Variants in RANBP17 observed in about 807,000 individuals in gnomAD.
RANBP17 encodes the protein ran-binding protein 17.
In RANBP17, 158 loss-of-function variants were observed where a neutral mutation model predicts 141.2. That is an observed-to-expected ratio of 1.12 (90% confidence interval 0.98 to 1.28). The LOEUF (loss-of-function observed/expected upper bound fraction) is 1.28. RANBP17 is among the 50% of genes most tolerant of loss of function. RANBP17 has a pLI of 0.00. For synonymous variants in RANBP17, 430 were observed against 450.0 expected, an observed-to-expected ratio of 0.96 and a Z score of 0.56; for missense variants, 1,438 against 1,290.7, an observed-to-expected ratio of 1.11 and a Z score of -1.75.
chr5:171,199,612 G>A, intron 18 of RANBP17, 58 bp from the exon 19 acceptor site: 2 of 1,076,130 alleles, frequency 1.9e-6, no homozygotes, highest in Non-Finnish European at 1.4e-6. Context: ...TCAATGCTGA[G>A]GACAATGTAC....
chr5:171,131,769 A>T (rs1756937916), intron 14 of RANBP17, among the ~76,000 whole-genome samples: 1 of 152,164 alleles, frequency 6.6e-6, no homozygotes, highest in Non-Finnish European at 1.5e-5. Context: ...ACATTATGGT[A>T]ATTTATCCTG....
chr5:170,938,446 A>G (rs1330587771), intron 12 of RANBP17, among the ~76,000 whole-genome samples: 1 of 152,248 alleles, frequency 6.6e-6, no homozygotes, highest in Non-Finnish European at 1.5e-5. Context: ...GTAAGCTGCC[A>G]TGAATGAGCA....
intron 3 of RANBP17, among the ~76,000 whole-genome samples, chr5:170,882,915 C>T (rs113442043): frequency 2.3e-4 from 35 of 152,148 alleles, no homozygotes; most frequent in African/African-American, 8.4e-4. Context: ...CATCTTTGTT[C>T]ATATTAGAAA....
intron 21 of RANBP17, among the ~76,000 whole-genome samples, chr5:171,221,072 A>C (rs928412653): frequency 1.3e-5 from 2 of 152,190 alleles, no homozygotes; most frequent in Admixed American, 6.5e-5. Context: ...CTTCTTCTTA[A>C]AAGCCAAAGC....
In RANBP17 at chr5:170,968,926, G is replaced by C. The variant is rs371638440; in HGVS notation, c.1710+549G>C. On this transcript the variant is annotated intron_variant, in intron 14 of 27. Coordinates refer to ENST00000523189, the MANE Select transcript of RANBP17 (RefSeq NM_022897.5). ...TTAAAGTATAATGAAAGATTATTAA[G>C]GGCATTTATGTGAAACCTAAGCAGA... Among the ~76,000 whole-genome samples, 137 of 151,838 alleles carry C rather than the reference G, an allele frequency of 9.0e-4. 2 individuals carry two copies. The South Asian group carries it at 0.027, about 30-fold the overall frequency.
chr5:171,100,976 G>A (rs1007680920), intron 14 of RANBP17, among the ~76,000 whole-genome samples: 1 of 152,128 alleles, frequency 6.6e-6, no homozygotes, highest in Non-Finnish European at 1.5e-5. Flanking sequence ...CATTTGTTAT[G>A]ATTTCTGTTC....
intron 14 of RANBP17, among the ~76,000 whole-genome samples, chr5:170,984,898 AT>A (rs1778020764): frequency 6.6e-6 from 1 of 152,112 alleles, no homozygotes; most frequent in South Asian, 2.1e-4. Flanking sequence ...GTCCATTTTA[AT>A]TTTTAATCCA....
chr5:171,127,883 G>A (rs1004925657), intron 14 of RANBP17, among the ~76,000 whole-genome samples: 8 of 152,124 alleles, frequency 5.3e-5, no homozygotes, highest in African/African-American at 1.7e-4. Flanking sequence ...ATATCAGGCC[G>A]GGCACGGTGG....
At chr5:171,003,840 C>T (rs898902517) in intron 14 of RANBP17, among the ~76,000 whole-genome samples, 1 of 151,884 alleles carries the variant, frequency 6.6e-6, no homozygotes, top group African/African-American at 2.4e-5. Flanking sequence ...GAGGCTGGGA[C>T]GAGGGGTGTA....
chr5:170,915,513 TTTTTTG>T (rs939588086), intron 8 of RANBP17, among the ~76,000 whole-genome samples: 12 of 151,820 alleles, frequency 7.9e-5, no homozygotes, highest in Admixed American at 5.3e-4. Flanking sequence ...TCCTAAGGAG[TTTTTTG>T]TTTTTGTTTT....
chr5:171,098,916 C>G (rs949767342), intron 14 of RANBP17, among the ~76,000 whole-genome samples: 1 of 152,104 alleles, frequency 6.6e-6, no homozygotes, highest in African/African-American at 2.4e-5. Flanking sequence ...TGTTAAAAAT[C>G]AGATGGTTGT....
chr5:171,104,248 G>T (rs1787387856), intron 14 of RANBP17, among the ~76,000 whole-genome samples: 1 of 152,070 alleles, frequency 6.6e-6, no homozygotes, highest in Non-Finnish European at 1.5e-5. Context: ...TGTTGGTCAG[G>T]CTGGTCTCGA....
chr5:171,050,839 CACAG>C (rs1782907631), intron 14 of RANBP17, among the ~76,000 whole-genome samples: 2 of 152,076 alleles, frequency 1.3e-5, no homozygotes, highest in African/African-American at 2.4e-5. Flanking sequence ...AGAGCAGATC[CACAG>C]ACAATGAATT....
intron 5 of RANBP17, chr5:170,903,827 G>A: frequency 2.3e-6 from 1 of 434,058 alleles, no homozygotes; most frequent in Admixed American, 2.9e-5. Context: ...ACAACATTGT[G>A]GCAAATTTGC....
chr5:171,224,320 C>G (rs1561779337), intron 22 of RANBP17, among the ~76,000 whole-genome samples: 1 of 152,206 alleles, frequency 6.6e-6, no homozygotes. Flanking sequence ...ATTCCTGTTA[C>G]CAGTCACAGT....
intron 14 of RANBP17, among the ~76,000 whole-genome samples, chr5:171,065,064 T>G (rs1784220548): frequency 1.3e-5 from 2 of 152,242 alleles, no homozygotes; most frequent in Non-Finnish European, 2.9e-5. Flanking sequence ...AGGAACCCTT[T>G]CCTTACAGAT....
At chr5:171,234,359 C>T (rs1764402635) in intron 22 of RANBP17, among the ~76,000 whole-genome samples, 1 of 152,086 alleles carries the variant, frequency 6.6e-6, no homozygotes, top group Admixed American at 6.5e-5. Flanking sequence ...AGGCCTGTAG[C>T]CCACTAACAT....
chr5:170,929,033 A>G (rs774042772), intron 12 of RANBP17, among the ~76,000 whole-genome samples: 1 of 152,032 alleles, frequency 6.6e-6, no homozygotes, highest in Non-Finnish European at 1.5e-5. Flanking sequence ...TTTTGATGCT[A>G]TTGTAAATTT....
intron 3 of RANBP17, among the ~76,000 whole-genome samples, chr5:170,886,855 G>T (rs1769209504): frequency 6.6e-6 from 1 of 151,514 alleles, no homozygotes; most frequent in African/African-American, 2.4e-5. Context: ...TAGAGATGGG[G>T]TTTCACCATG....
Sources: gnomAD v4.1 joint callset for allele counts (sites outside exome capture counted in the v4.1 genomes callset) on GRCh38, gnomAD v4.1.1 for gene constraint, MANE v1.5 for transcripts, NCBI Gene and HGNC (gene_info 2026-07-23, HGNC 2026-07-21) for gene names.